Variants in EFEMP1 observed in about 807,000 individuals in gnomAD.
EFEMP1 encodes the protein EGF-containing fibulin-like extracellular matrix protein 1.
A neutral mutation model predicts 65.7 loss-of-function variants in EFEMP1; 18 were observed. That is an observed-to-expected ratio of 0.27 (90% CI 0.19 to 0.41). EFEMP1 has a LOEUF of 0.41. Among genes scored for constraint, EFEMP1 ranks in the 10% least tolerant of loss-of-function variants. EFEMP1 has a pLI of 1.00. For missense variants in EFEMP1, 469 were observed against 624.8 expected (o/e 0.75, Z 2.66); for synonymous variants, 237 against 219.7 (o/e 1.08, Z -0.70).
chr2:55,871,118 T>C lies in EFEMP1; in HGVS notation c.1006A>G (p.Asn336Asp). 1.2e-6 allele frequency: 2 copies of C among 1,613,592 alleles called. No homozygotes were observed. The highest frequency in any genetic ancestry group is 1.7e-6 in the Non-Finnish European group (2 of 1,179,654). The change falls in exon 10 of 12, where the codon AAT becomes GAT. Residue 336 changes from asparagine (N) to aspartate (D), a missense_variant. Asn to Asp is a conservative substitution (Grantham distance 23, BLOSUM62 1). This residue lies in a region of EFEMP1 where 399 missense variants were observed against 528.2 expected (regional missense o/e 0.76). Coordinates refer to ENST00000355426, the MANE Select transcript of EFEMP1 (RefSeq NM_001039348.3). The surrounding 1 kb of genome is among the most constrained non-coding windows in gnomAD (Gnocchi z 4.2). Reference protein sequence around the residue: ...VVRSRTCQDINECETTNECRE... With the variant: ...VVRSRTCQDIDECETTNECRE... ...CATTCATTTGTGGTCTCACACTCATTTATATCTGTAGAGATGTAGGGTCAA... is the reference window on the plus strand; with the variant it reads ...CATTCATTTGTGGTCTCACACTCATCTATATCTGTAGAGATGTAGGGTCAA...
In EFEMP1 at chr2:55,883,195, T is replaced by TA. The variant is rs1424183868; in HGVS notation, c.518-1462dup. ...GATAATAATCTATAAAGCATCCACT[T>TA]ACGTAATTCTTTGAACTTGGTTTTA... On this transcript the variant is annotated intron_variant, in intron 5 of 11. Coordinates refer to ENST00000355426, the MANE Select transcript of EFEMP1 (RefSeq NM_001039348.3). The surrounding 1 kb of genome is among the most constrained non-coding windows in gnomAD (Gnocchi z 4.5). Among the ~76,000 whole-genome samples, 9 of 152,208 alleles carry TA rather than the reference T, an allele frequency of 5.9e-5. No individual in the cohort carries two copies. The highest frequency in any genetic ancestry group is 8.8e-5 in the Non-Finnish European group (6 of 68,042).
chr2:55,876,590 A>G (rs1182608226), intron 8 of EFEMP1, 33 bp downstream of exon 8: 2 of 1,609,092 alleles, frequency 1.2e-6, no homozygotes, highest in South Asian at 2.2e-5. Context: ...CAGGAATTGG[A>G]CTTTATTCCA....
intron 5 of EFEMP1, among the ~76,000 whole-genome samples, chr2:55,887,586 C>T (rs577433259): frequency 5.0e-4 from 76 of 152,314 alleles, no homozygotes; most frequent in African/African-American, 1.8e-3. Context: ...AGCTAGAATT[C>T]ACTCAAGCTA....
In EFEMP1 at chr2:55,903,616, A is replaced by C. The variant is rs186485049; in HGVS notation, c.517+14049T>G. Among the ~76,000 whole-genome samples, 4 of 152,352 alleles carry C rather than the reference A, an allele frequency of 2.6e-5. No homozygotes were observed. The East Asian group carries it at 7.7e-4, about 29-fold the overall frequency. Reference sequence around the variant, plus strand: ...TTTGAGAAGCACTAATCTATAATGCATAACACACAGGAGATTCTAAAAAAC... The same window carrying C: ...TTTGAGAAGCACTAATCTATAATGCCTAACACACAGGAGATTCTAAAAAAC... On this transcript the variant is annotated intron_variant, in intron 5 of 11. Coordinates refer to ENST00000355426, the MANE Select transcript of EFEMP1 (RefSeq NM_001039348.3).
At chr2:55,868,885 A>G (rs1171780184) in intron 11 of EFEMP1, among the ~76,000 whole-genome samples, 2 of 152,178 alleles carry the variant, frequency 1.3e-5, no homozygotes, top group African/African-American at 2.4e-5. Flanking sequence ...ATGCGTTTCA[A>G]TGCCCTCTGC....
intron 5 of EFEMP1, among the ~76,000 whole-genome samples, chr2:55,893,153 T>A (rs536624083): frequency 1.3e-5 from 2 of 152,156 alleles, no homozygotes; most frequent in Non-Finnish European, 2.9e-5. Flanking sequence ...CGAATCTCTT[T>A]TCATGAGTTT....
At chr2:55,906,051 C>T (rs1670253167) in intron 5 of EFEMP1, among the ~76,000 whole-genome samples, 1 of 152,136 alleles carries the variant, frequency 6.6e-6, no homozygotes, top group African/African-American at 2.4e-5. Context: ...GAGCTGTTCA[C>T]TAATCTTTCC....
chr2:55,891,277 T>C (rs936595168), intron 5 of EFEMP1, among the ~76,000 whole-genome samples: 6 of 152,134 alleles, frequency 3.9e-5, no homozygotes, highest in Admixed American at 3.3e-4. Flanking sequence ...CGATTCAATG[T>C]GGATCCCAGC....
At chr2:55,899,241 G>C (rs1669944785) in intron 5 of EFEMP1, among the ~76,000 whole-genome samples, 1 of 152,204 alleles carries the variant, frequency 6.6e-6, no homozygotes. Flanking sequence ...AGGGTCTGTT[G>C]ACTTGAATTA....
At position 55,922,538 on chromosome 2, in the gene EFEMP1, G is replaced by T; in HGVS notation, c.-7-91C>A. The T allele has an allele frequency of 8.5e-7, 1 of 1,178,370 alleles. No individual in the cohort carries two copies. The allele number at this position is 1,178,370 out of a possible 1,614,324, so 73.0% of individuals were successfully genotyped here. A position where few individuals can be genotyped will look rare whatever the true frequency, so the allele number is the denominator to read the frequency against. On this transcript the variant is annotated intron_variant, in intron 2 of 11. Transcript: ENST00000355426. The surrounding 1 kb of genome is among the most constrained non-coding windows in gnomAD (Gnocchi z 5.5). ...CAGTGAGCACAAGCGAGGAAAGGAG[G>T]GTGGGAGAGGCTGAGGCTCCACCAT... is the stretch of plus-strand genomic sequence containing the variant.
chr2:55,884,681 A>T (rs1240452335), intron 5 of EFEMP1, among the ~76,000 whole-genome samples: 1 of 152,252 alleles, frequency 6.6e-6, no homozygotes, highest in African/African-American at 2.4e-5. Context: ...CAGGTCAGCC[A>T]TGATTTTCCT....
Position 55,870,550 on chromosome 2 carries a change from G to A in EFEMP1, c.1320+170C>T, listed in dbSNP as rs1668763187. ...TATCTATCTGGCAGTGTTACCAAGAGGAATAAATGAAATAATGTAGCTGGA... is the reference window on the plus strand; with the variant it reads ...TATCTATCTGGCAGTGTTACCAAGAAGAATAAATGAAATAATGTAGCTGGA... On this transcript the variant is annotated intron_variant, in intron 11 of 11. Transcript: ENST00000355426. This position sits in a 1 kb window ranked among gnomAD's most constrained non-coding sequence, Gnocchi z 5.8. Among the ~76,000 whole-genome samples, 1 of 151,988 alleles carries A rather than the reference G, an allele frequency of 6.6e-6. No individual in the cohort carries two copies. The highest frequency in any genetic ancestry group is 1.5e-5 in the Non-Finnish European group (1 of 67,984).
intron 5 of EFEMP1, among the ~76,000 whole-genome samples, chr2:55,893,436 G>C (rs766949634): frequency 2.0e-5 from 3 of 152,080 alleles, no homozygotes; most frequent in Non-Finnish European, 2.9e-5. Context: ...ACAGAAGGGT[G>C]GGTAAGATCA....
rs1327608473 is a variant in EFEMP1 at position 55,871,542 on chromosome 2, G to A, written c.1001-419C>T. Among the ~76,000 whole-genome samples the A allele has an allele frequency of 4.6e-5, 7 of 152,074 alleles. No individual in the cohort carries two copies. Among genetic ancestry groups the A allele is most frequent in the South Asian group, 2.1e-4 (1 of 4,828 alleles). On this transcript the variant is annotated intron_variant, in intron 9 of 11. Transcript: ENST00000355426. This position sits in a 1 kb window ranked among gnomAD's most constrained non-coding sequence, Gnocchi z 4.2. ...TACTGGGGCATGTGGAGCAGAGTTG[G>A]GTAATTTTGCCAGGGGGATTAGGGA...
At chr2:55,879,731 T>C (rs1285394764) in intron 6 of EFEMP1, among the ~76,000 whole-genome samples, 8 of 152,228 alleles carry the variant, frequency 5.3e-5, no homozygotes. Flanking sequence ...GCCTGCTGAC[T>C]GCTGCTGGTT....
chr2:55,882,929 C>T (rs1309341554), intron 5 of EFEMP1, among the ~76,000 whole-genome samples: 1 of 151,922 alleles, frequency 6.6e-6, no homozygotes, highest in Non-Finnish European at 1.5e-5. Flanking sequence ...TTCTGTCTTC[C>T]CTCTAAGAAT....
Position 55,866,954 on chromosome 2 carries a change from G to T in EFEMP1, c.*119C>A. 3 of 1,275,444 alleles carry T rather than the reference G, an allele frequency of 2.4e-6. No individual in the cohort carries two copies. The highest frequency in any genetic ancestry group is 2.4e-5 in the East Asian group (1 of 41,052). 79.0% of individuals were successfully genotyped at this position (1,275,444 alleles called of 1,614,324 possible). A position where few individuals can be genotyped will look rare whatever the true frequency, so the allele number is the denominator to read the frequency against. ...ACCATGGTGTAATTGTTTGAATTAT[G>T]GGTGAGTGTACAGTATAGAGATGTA... On this transcript the variant is annotated 3_prime_UTR_variant, in exon 12 of 12. Transcript: ENST00000355426.
At chr2:55,869,110 T>C (rs1668702481) in intron 11 of EFEMP1, among the ~76,000 whole-genome samples, 1 of 152,166 alleles carries the variant, frequency 6.6e-6, no homozygotes, top group Non-Finnish European at 1.5e-5. Context: ...TGTATTTTGA[T>C]TTGAAAATAT....
intron 5 of EFEMP1, among the ~76,000 whole-genome samples, chr2:55,904,891 G>C (rs1419557626): frequency 6.6e-6 from 1 of 151,166 alleles, no homozygotes; most frequent in East Asian, 1.9e-4. Flanking sequence ...TGTTTTCCTG[G>C]AGAACCTTGA....
Sources: gnomAD v4.1 joint callset for allele counts (sites outside exome capture counted in the v4.1 genomes callset) on GRCh38, gnomAD v4.1.1 for gene constraint, gnomAD v4.1.1 regional missense constraint, Gnocchi (gnomAD v3.1) non-coding constraint, MANE v1.5 for transcripts, NCBI Gene and HGNC (gene_info 2026-07-23, HGNC 2026-07-21) for gene names.